Variants in GLCCI1 observed in about 807,000 individuals in gnomAD.
The protein encoded by GLCCI1 is glucocorticoid induced 1.
Under a neutral mutation model 52.2 loss-of-function variants are expected in GLCCI1, and 24 were observed. The observed-to-expected ratio is 0.46, with a 90% confidence interval of 0.33 to 0.65. The LOEUF (loss-of-function observed/expected upper bound fraction) is 0.65, where lower values mean the gene tolerates loss of function less well. Ranked by LOEUF, GLCCI1 falls within the 30% of genes least tolerant of loss-of-function variation. The pLI is 0.02. For synonymous variants in GLCCI1, 310 were observed against 276.5 expected, an observed-to-expected ratio of 1.12 and a Z score of -1.20; for missense variants, 704 against 701.5, an observed-to-expected ratio of 1.00 and a Z score of -0.04.
At chr7:7,981,300 CTCTTTCTTTCTGTCTCTCTTTCTT>C in intron 1 of GLCCI1, 1 of 239,980 alleles carries the variant, frequency 4.2e-6, no homozygotes, top group Non-Finnish European at 7.8e-6. Flanking sequence ...CCCTCTTTCT[CTCTTTCTTTCTGTCTCTCTTTCTT>C]TCTTTCTTTT....
chr7:8,083,135 A>C (rs1783032809), intron 6 of GLCCI1, among the ~76,000 whole-genome samples: 1 of 152,132 alleles, frequency 6.6e-6, no homozygotes, highest in Non-Finnish European at 1.5e-5. Context: ...TATTTTAAAA[A>C]TTTCTGTGGA....
chr7:8,043,232 A>T (rs190903978), intron 3 of GLCCI1, among the ~76,000 whole-genome samples: 1 of 152,242 alleles, frequency 6.6e-6, no homozygotes, highest in East Asian at 1.9e-4. Flanking sequence ...CAAAAAGTTC[A>T]TGTGACTCAC....
At chr7:7,983,738 A>G (rs1220756974) in intron 1 of GLCCI1, among the ~76,000 whole-genome samples, 1 of 152,226 alleles carries the variant, frequency 6.6e-6, no homozygotes, top group Non-Finnish European at 1.5e-5. Context: ...TATCTGACAA[A>G]GGTTAAAACT....
At chr7:8,068,071 G>A (rs1279231668) in intron 5 of GLCCI1, among the ~76,000 whole-genome samples, 3 of 152,144 alleles carry the variant, frequency 2.0e-5, no homozygotes, top group African/African-American at 4.8e-5. Context: ...AAAAATTTTG[G>A]CTAGGCACGG....
At chr7:7,986,525 A>T (rs534214277) in intron 1 of GLCCI1, among the ~76,000 whole-genome samples, 238 of 121,364 alleles carry the variant, frequency 2.0e-3, no homozygotes, top group Non-Finnish European at 3.5e-3. Context: ...ACTCTGACTC[A>T]AAAAAGAAAA....
chr7:7,998,481 G>A (rs1191532809), intron 1 of GLCCI1, among the ~76,000 whole-genome samples: 1 of 152,200 alleles, frequency 6.6e-6, no homozygotes, highest in East Asian at 1.9e-4. Flanking sequence ...CTCCCAGAGT[G>A]CTGGGATTAC....
intron 2 of GLCCI1, among the ~76,000 whole-genome samples, chr7:8,011,626 G>A (rs1465599290): frequency 6.6e-6 from 1 of 152,064 alleles, no homozygotes; most frequent in Non-Finnish European, 1.5e-5. Flanking sequence ...GTATCTTTTC[G>A]AGTCTCGGCT....
chr7:8,071,581 T>C (rs1358093695), intron 6 of GLCCI1, among the ~76,000 whole-genome samples: 1 of 152,240 alleles, frequency 6.6e-6, no homozygotes, highest in Non-Finnish European at 1.5e-5. Context: ...TAAAGCTTAG[T>C]GAGTATCTAC....
intron 1 of GLCCI1, among the ~76,000 whole-genome samples, chr7:7,979,965 T>G (rs887866817): frequency 6.6e-6 from 1 of 152,222 alleles, no homozygotes; most frequent in Non-Finnish European, 1.5e-5. Context: ...TGGCAGTGTC[T>G]CGCTGTGTCA....
intron 3 of GLCCI1, among the ~76,000 whole-genome samples, chr7:8,049,967 CTT>C (rs1334740114): frequency 2.0e-5 from 3 of 152,152 alleles, no homozygotes; most frequent in African/African-American, 7.2e-5. Context: ...TAAAATGTCT[CTT>C]GACAAATATG....
chr7:8,022,478 T>A lies in GLCCI1; in HGVS notation c.610-5T>A. ...TTATTTTATTTATATATATATTTTTTAAAGACACCTAGCTGTTGGGCAGAA... is the reference window on the plus strand; with the variant it reads ...TTATTTTATTTATATATATATTTTTAAAAGACACCTAGCTGTTGGGCAGAA... On this transcript the variant is annotated splice_region_variant and splice_polypyrimidine_tract_variant and intron_variant, in intron 2 of 7. Transcript: ENST00000223145. 6.6e-7 allele frequency: 1 copy of A among 1,509,224 alleles called. No homozygotes were observed. The highest frequency in any genetic ancestry group is 8.9e-7 in the Non-Finnish European group (1 of 1,122,176). The allele number at this position is 1,509,224 out of a possible 1,614,324, so 93.5% of individuals were successfully genotyped here. A position where few individuals can be genotyped will look rare whatever the true frequency, so the allele number is the denominator to read the frequency against.
At chr7:8,023,850 C>T (rs1472136210) in intron 3 of GLCCI1, among the ~76,000 whole-genome samples, 6 of 151,708 alleles carry the variant, frequency 4.0e-5, no homozygotes, top group Non-Finnish European at 7.4e-5. Flanking sequence ...CTGCCCACCT[C>T]GGCCTCCCAA....
intron 5 of GLCCI1, among the ~76,000 whole-genome samples, chr7:8,066,437 G>A (rs1240616751): frequency 1.3e-5 from 2 of 151,772 alleles, no homozygotes; most frequent in South Asian, 2.1e-4. Context: ...TAGCTTTGGA[G>A]TTAGTTTGCT....
intron 1 of GLCCI1, among the ~76,000 whole-genome samples, chr7:7,987,427 A>G (rs1780756673): frequency 6.6e-6 from 1 of 152,230 alleles, no homozygotes; most frequent in Non-Finnish European, 1.5e-5. Context: ...TATTTAAGAC[A>G]CTTGTCATCT....
intron 6 of GLCCI1, among the ~76,000 whole-genome samples, chr7:8,081,500 T>A (rs942817533): frequency 5.3e-5 from 8 of 152,354 alleles, no homozygotes; most frequent in African/African-American, 1.9e-4. Context: ...TATATATTTT[T>A]GAGACAGGGT....
chr7:7,992,664 T>G (rs533059692), intron 1 of GLCCI1, among the ~76,000 whole-genome samples: 2 of 152,102 alleles, frequency 1.3e-5, no homozygotes, highest in Non-Finnish European at 2.9e-5. Flanking sequence ...TTTTTTGTTT[T>G]GTTCCTTTGG....
chr7:8,085,071 CT>C, intron 7 of GLCCI1, 54 bp downstream of exon 7: 1 of 1,600,632 alleles, frequency 6.2e-7, no homozygotes, highest in Non-Finnish European at 8.5e-7. Context: ...AAGCTTTTTA[CT>C]GAGACCAGTT....
chr7:8,014,714 A>G (rs1781340863), intron 2 of GLCCI1, among the ~76,000 whole-genome samples: 1 of 152,134 alleles, frequency 6.6e-6, no homozygotes, highest in Non-Finnish European at 1.5e-5. Flanking sequence ...GGATTGTAGC[A>G]CTTTAGAAAA....
chr7:8,059,143 G>A (rs987220707), intron 4 of GLCCI1, among the ~76,000 whole-genome samples: 1 of 152,086 alleles, frequency 6.6e-6, no homozygotes, highest in Non-Finnish European at 1.5e-5. Context: ...GACCCACACA[G>A]GTCAAACCCA....
Sources: allele counts gnomAD v4.1 joint callset (sites outside exome capture counted in the v4.1 genomes callset), GRCh38; gene constraint gnomAD v4.1.1; transcripts MANE v1.5; gene names NCBI Gene and HGNC (gene_info 2026-07-23, HGNC 2026-07-21).